TRPS1: variants seen among roughly 807,000 people sequenced by gnomAD.
The protein encoded by TRPS1 is transcriptional repressor GATA binding 1.
In TRPS1, 6 loss-of-function variants were observed where a neutral mutation model predicts 101.2. That is an observed-to-expected ratio of 0.06 (90% CI 0.03 to 0.12). The LOEUF (loss-of-function observed/expected upper bound fraction) is 0.12. Among genes scored for constraint, TRPS1 ranks in the 10% least tolerant of loss-of-function variants. TRPS1 has a pLI of 1.00. For missense variants in TRPS1, 1,363 were observed against 1,567.0 expected (o/e 0.87, Z 2.20); for synonymous variants, 578 against 589.8 (o/e 0.98, Z 0.29).
intron 5 of TRPS1, among the ~76,000 whole-genome samples, chr8:115,570,050 A>C (rs1270930266): frequency 6.6e-6 from 1 of 152,152 alleles, no homozygotes; most frequent in Non-Finnish European, 1.5e-5. Flanking sequence ...ACAAAATTCT[A>C]TAAAGAAATC....
At chr8:115,481,029 C>A (rs1814739130) in intron 5 of TRPS1, among the ~76,000 whole-genome samples, 1 of 151,992 alleles carries the variant, frequency 6.6e-6, no homozygotes, top group African/African-American at 2.4e-5. Flanking sequence ...TATTAGGTTG[C>A]ATTTATATTT....
intron 6 of TRPS1, among the ~76,000 whole-genome samples, chr8:115,416,353 T>C (rs1222241378): frequency 6.6e-6 from 1 of 151,694 alleles, no homozygotes; most frequent in Non-Finnish European, 1.5e-5. Flanking sequence ...TTAATGCGTA[T>C]TTATAGGTTA....
chr8:115,608,461 T>C (rs1331111620), intron 3 of TRPS1, among the ~76,000 whole-genome samples: 2 of 152,214 alleles, frequency 1.3e-5, no homozygotes, highest in Non-Finnish European at 2.9e-5. Context: ...GATTTAAAAA[T>C]TGTAGATAAA....
intron 5 of TRPS1, among the ~76,000 whole-genome samples, chr8:115,519,535 G>A (rs531766938): frequency 4.0e-5 from 6 of 151,258 alleles, no homozygotes; most frequent in African/African-American, 9.7e-5. Context: ...AATTAAGAGC[G>A]GAATTTTAAA....
chr8:115,516,087 T>C (rs932050050), intron 5 of TRPS1, among the ~76,000 whole-genome samples: 1 of 141,350 alleles, frequency 7.1e-6, no homozygotes, highest in African/African-American at 2.6e-5. Context: ...CAAAATTGTA[T>C]ATAAAATGAG....
intron 5 of TRPS1, among the ~76,000 whole-genome samples, chr8:115,553,685 C>A (rs1035851177): frequency 1.3e-5 from 2 of 152,072 alleles, no homozygotes; most frequent in Non-Finnish European, 2.9e-5. Context: ...GCTTAATTTT[C>A]AATAACATTT....
intron 5 of TRPS1, among the ~76,000 whole-genome samples, chr8:115,579,058 C>A (rs1277433400): frequency 6.6e-6 from 1 of 151,924 alleles, no homozygotes; most frequent in African/African-American, 2.4e-5. Context: ...TACTTAATAT[C>A]CAAGCCTCAG....
At position 115,619,958 on chromosome 8, in the gene TRPS1, T is replaced by C. The variant is rs774896897; in HGVS notation, c.140A>G (p.Asn47Ser). 6 of 1,614,106 alleles carry C rather than the reference T, an allele frequency of 3.7e-6. No homozygotes were observed. The highest frequency in any genetic ancestry group is 1.6e-4 in the Middle Eastern group (1 of 6,084). Residue 47 changes from asparagine (N) to serine (S), a missense_variant, in exon 3 of 7, where the codon AAC (asparagine) becomes AGC (serine). Coordinates refer to ENST00000395715, the MANE Select transcript of TRPS1 (RefSeq NM_014112.5). ...IGTESKVSGK[N>S]KEFSADQMSE... is the part of the protein sequence containing the mutation. ...CATCTGATCTGCAGAAAATTCTTTGTTCTTTCCAGATACCTTGCTTTCTGT... is the reference window on the plus strand; with the variant it reads ...CATCTGATCTGCAGAAAATTCTTTGCTCTTTCCAGATACCTTGCTTTCTGT...
intron 4 of TRPS1, among the ~76,000 whole-genome samples, chr8:115,594,887 G>GC (rs1817753012): frequency 6.6e-6 from 1 of 151,142 alleles, no homozygotes; most frequent in Non-Finnish European, 1.5e-5. Context: ...GGGATGCCTT[G>GC]TTTTTTTTCT....
intron 5 of TRPS1, among the ~76,000 whole-genome samples, chr8:115,584,047 CA>C (rs1817512122): frequency 6.6e-6 from 1 of 151,906 alleles, no homozygotes; most frequent in Non-Finnish European, 1.5e-5. Context: ...AAAAAGTTAT[CA>C]GAAAGACTAA....
intron 5 of TRPS1, among the ~76,000 whole-genome samples, chr8:115,535,287 T>TATATAGC (rs1816273845): frequency 2.0e-5 from 1 of 50,922 alleles, no homozygotes; most frequent in African/African-American, 4.5e-4. Context: ...ATATATAGCA[T>TATATAGC]ATATATAGCA....
chr8:115,667,944 GCGGCGGCGGCCCCTCGGGTCCAAC>G (rs1811964257), intron 1 of TRPS1: 1 of 1,533,656 alleles, frequency 6.5e-7, no homozygotes, highest in Admixed American at 2.0e-5. Context: ...AGTGGCGGCG[GCGGCGGCGGCCCCTCGGGTCCAAC>G]CACCTCCAGC....
intron 5 of TRPS1, among the ~76,000 whole-genome samples, chr8:115,475,222 A>G (rs991618598): frequency 6.7e-6 from 1 of 149,172 alleles, no homozygotes; most frequent in Non-Finnish European, 1.5e-5. Flanking sequence ...AATAACTTCT[A>G]GGGATGATGG....
chr8:115,543,427 AT>A (rs1172651106), intron 5 of TRPS1, among the ~76,000 whole-genome samples: 2 of 152,030 alleles, frequency 1.3e-5, no homozygotes, highest in African/African-American at 4.8e-5. Flanking sequence ...AGATCCAATA[AT>A]TTTTTTTAAA....
chr8:115,661,480 T>C (rs1458950203), intron 1 of TRPS1: 1 of 152,030 alleles, frequency 6.6e-6, no homozygotes, highest in East Asian at 1.9e-4. Flanking sequence ...CTTCAAACAT[T>C]TGCAGGCAAT....
intron 1 of TRPS1, among the ~76,000 whole-genome samples, chr8:115,663,208 G>GT (rs1811845600): frequency 6.6e-6 from 1 of 150,628 alleles, no homozygotes. Flanking sequence ...TGCATCAACA[G>GT]AGCCTTTCTT....
chr8:115,579,898 T>G (rs1817403122), intron 5 of TRPS1, among the ~76,000 whole-genome samples: 2 of 141,296 alleles, frequency 1.4e-5, no homozygotes, highest in South Asian at 4.6e-4. Flanking sequence ...GCTCAATTTA[T>G]CACAAGTGTG....
rs1812841685 is a variant in TRPS1 at position 115,413,685 on chromosome 8, GT to G, written c.*337del. On this transcript the variant is annotated 3_prime_UTR_variant, in exon 7 of 7. Coordinates refer to ENST00000395715, the MANE Select transcript of TRPS1 (RefSeq NM_014112.5). Reference sequence around the variant, plus strand: ...TGTAAACCCTTTCAAATTCTAGACAGTTTTGGTCTCTTTCTTTATAAATATA... The same window carrying G: ...TGTAAACCCTTTCAAATTCTAGACAGTTTGGTCTCTTTCTTTATAAATATA... 3.9e-6 allele frequency: 1 copy of G among 253,834 alleles called. No homozygotes were observed. The highest frequency in any genetic ancestry group is 2.3e-5 in the African/African-American group (1 of 43,384). 15.7% of individuals were successfully genotyped at this position (253,834 alleles called of 1,614,324 possible).
intron 5 of TRPS1, among the ~76,000 whole-genome samples, chr8:115,542,591 G>T (rs906118887): frequency 6.6e-6 from 1 of 152,020 alleles, no homozygotes; most frequent in African/African-American, 2.4e-5. Context: ...CTAATTTAGG[G>T]CTGTGGAAAA....
Sources: allele counts gnomAD v4.1 joint callset (sites outside exome capture counted in the v4.1 genomes callset), GRCh38; gene constraint gnomAD v4.1.1; transcripts MANE v1.5; gene names NCBI Gene and HGNC (gene_info 2026-07-23, HGNC 2026-07-21).